The following PRKAR1B variants were observed in gnomAD, a reference collection of about 807,000 sequenced individuals.
PRKAR1B encodes the protein protein kinase cAMP-dependent type I regulatory subunit beta.
Under a neutral mutation model 46.5 loss-of-function variants are expected in PRKAR1B, and 22 were observed. The ratio of observed to expected loss-of-function variants is 0.47; its 90% confidence interval spans 0.34 to 0.68. PRKAR1B has a LOEUF of 0.68. Among genes scored for constraint, PRKAR1B ranks in the 30% least tolerant of loss-of-function variants. The pLI, the probability that PRKAR1B is intolerant of heterozygous loss-of-function variation, is 0.01. For missense variants in PRKAR1B, 445 were observed against 535.6 expected (o/e 0.83, Z 1.67); for synonymous variants, 259 against 217.7 (o/e 1.19, Z -1.67).
chr7:682,775 G>T (rs1778766119), intron 2 of PRKAR1B, among the ~76,000 whole-genome samples: 1 of 151,852 alleles, frequency 6.6e-6, no homozygotes, highest in Non-Finnish European at 1.5e-5. Context: ...AAGGAAAAGA[G>T]ATTTCAACCT....
intron 2 of PRKAR1B, among the ~76,000 whole-genome samples, chr7:683,691 G>T (rs1435749902): frequency 2.0e-5 from 3 of 152,208 alleles, no homozygotes; most frequent in Admixed American, 2.0e-4. Flanking sequence ...GCAGCGGGAT[G>T]CAGTCACAGA....
At chr7:724,833 A>G (rs1396005077) in intron 1 of PRKAR1B, among the ~76,000 whole-genome samples, 1 of 152,240 alleles carries the variant, frequency 6.6e-6, no homozygotes, top group Non-Finnish European at 1.5e-5. Context: ...CCTGTCCCAC[A>G]TGTTGCAGAC....
chr7:676,927 G>A (rs752547851), intron 4 of PRKAR1B, among the ~76,000 whole-genome samples: 1 of 149,268 alleles, frequency 6.7e-6, no homozygotes, highest in Non-Finnish European at 1.5e-5. Context: ...GGCAAGCAAC[G>A]GGGCCTGCCC....
At chr7:726,596 G>T in intron 1 of PRKAR1B, 3 of 725,298 alleles carry the variant, frequency 4.1e-6, no homozygotes, top group Admixed American at 8.8e-5. Flanking sequence ...ACAGGCCCAC[G>T]TGCGCACCGG....
chr7:669,366 T>C (rs1409919739), intron 4 of PRKAR1B, among the ~76,000 whole-genome samples: 1 of 152,146 alleles, frequency 6.6e-6, no homozygotes, highest in Non-Finnish European at 1.5e-5. Flanking sequence ...GCTGAATAAG[T>C]GTGGGGCTTC....
intron 7 of PRKAR1B, among the ~76,000 whole-genome samples, chr7:589,925 C>G (rs1780882029): frequency 6.6e-6 from 1 of 152,246 alleles, no homozygotes; most frequent in Admixed American, 6.5e-5. Context: ...TTTCATGATG[C>G]CAACACCAAG....
At chr7:683,164 T>A (rs1248637423) in intron 2 of PRKAR1B, among the ~76,000 whole-genome samples, 1 of 152,100 alleles carries the variant, frequency 6.6e-6, no homozygotes, top group Non-Finnish European at 1.5e-5. Flanking sequence ...GTGACAAGGC[T>A]GAGACCACGG....
At chr7:726,422 C>T (rs1360297274) in intron 1 of PRKAR1B, among the ~76,000 whole-genome samples, 2 of 152,176 alleles carry the variant, frequency 1.3e-5, no homozygotes, top group African/African-American at 2.4e-5. Flanking sequence ...GGCAGGCTTC[C>T]CTAGGGGCAG....
In PRKAR1B at chr7:550,210, G is replaced by A; in HGVS notation, c.*220C>T. 5.3e-6 allele frequency: 3 copies of A among 564,144 alleles called. No homozygotes were observed. The highest frequency in any genetic ancestry group is 4.0e-5 in the South Asian group (2 of 49,420). The allele number at this position is 564,144 out of a possible 1,614,324, so 34.9% of individuals were successfully genotyped here. A position where few individuals can be genotyped will look rare whatever the true frequency, so the allele number is the denominator to read the frequency against. On this transcript the variant is annotated 3_prime_UTR_variant, in exon 11 of 11. Coordinates refer to ENST00000537384, the MANE Select transcript of PRKAR1B (RefSeq NM_001164760.2). ...GAGGAAGCTGGCCTGTCCCTTCCTT[G>A]ATCTTGGGATGCATTTTGTCCGCTT...
intron 2 of PRKAR1B, among the ~76,000 whole-genome samples, 191 bp downstream of exon 2, chr7:711,138 G>A (rs971807510): frequency 6.6e-5 from 10 of 152,144 alleles, no homozygotes; most frequent in African/African-American, 1.7e-4. Context: ...AATCTCGGGA[G>A]ACCAAACAAG....
chr7:581,266 G>C (rs1296547342), intron 8 of PRKAR1B, among the ~76,000 whole-genome samples: 4 of 143,792 alleles, frequency 2.8e-5, no homozygotes, highest in Non-Finnish European at 5.9e-5. Context: ...TAGCACCACT[G>C]ACCTCCAGCC....
chr7:575,590 G>T (rs888445776), intron 9 of PRKAR1B, among the ~76,000 whole-genome samples: 1 of 152,142 alleles, frequency 6.6e-6, no homozygotes, highest in Non-Finnish European at 1.5e-5. Context: ...CTGTTGCCCA[G>T]GCTGGAGTGC....
chr7:598,342 C>T (rs539599915), intron 6 of PRKAR1B, among the ~76,000 whole-genome samples: 2 of 146,542 alleles, frequency 1.4e-5, no homozygotes, highest in Admixed American at 1.4e-4. Context: ...CAGCACCCTC[C>T]GCTCTAAACA....
At chr7:566,371 T>C (rs1445269765) in intron 9 of PRKAR1B, among the ~76,000 whole-genome samples, 1 of 8,294 alleles carries the variant, frequency 1.2e-4, no homozygotes, top group East Asian at 4.1e-3. Context: ...ATATTCACCA[T>C]TTCATCACCT....
chr7:679,279 G>C (rs1778521977), intron 3 of PRKAR1B, among the ~76,000 whole-genome samples: 2 of 152,166 alleles, frequency 1.3e-5, no homozygotes, highest in African/African-American at 4.8e-5. Context: ...TTCTTCCTTT[G>C]TTTGGCCTGA....
intron 4 of PRKAR1B, among the ~76,000 whole-genome samples, chr7:624,662 C>T (rs1348511316): frequency 2.0e-5 from 3 of 152,110 alleles, no homozygotes; most frequent in South Asian, 2.1e-4. Flanking sequence ...GACACATCCA[C>T]GGAGACTGGA....
At chr7:566,004 C>T (rs1779102839) in intron 9 of PRKAR1B, among the ~76,000 whole-genome samples, 1 of 152,184 alleles carries the variant, frequency 6.6e-6, no homozygotes, top group African/African-American at 2.4e-5. Flanking sequence ...ATTTTCCTCT[C>T]AGTGCATTTT....
intron 4 of PRKAR1B, among the ~76,000 whole-genome samples, chr7:617,299 C>CTTTT (rs71016890): frequency 7.6e-6 from 1 of 132,394 alleles, no homozygotes. Flanking sequence ...GACCAAGTGC[C>CTTTT]TTTTTTTTTT....
At chr7:654,491 C>T (rs1447518348) in intron 4 of PRKAR1B, among the ~76,000 whole-genome samples, 1 of 151,094 alleles carries the variant, frequency 6.6e-6, no homozygotes, top group East Asian at 2.0e-4. Context: ...TCTTCATCCC[C>T]TCACTATCAC....
Sources: allele counts gnomAD v4.1 joint callset (sites outside exome capture counted in the v4.1 genomes callset), GRCh38; gene constraint gnomAD v4.1.1; transcripts MANE v1.5; gene names NCBI Gene and HGNC (gene_info 2026-07-23, HGNC 2026-07-21).